The following SLC25A18 variants were observed in gnomAD, a reference collection of about 807,000 sequenced individuals.
The protein encoded by SLC25A18 is mitochondrial glutamate carrier 2.
SLC25A18 carries 24 observed loss-of-function variants against 31.1 expected under a neutral mutation model. The ratio of observed to expected loss-of-function variants is 0.77; its 90% CI spans 0.56 to 1.08. The LOEUF (loss-of-function observed/expected upper bound fraction) is 1.08. Ranked by LOEUF, SLC25A18 falls within the 50% of genes least tolerant of loss-of-function variation. The pLI is 0.00. For missense variants in SLC25A18, 371 were observed against 418.5 expected (o/e 0.89, Z 0.99); for synonymous variants, 173 against 161.9 (o/e 1.07, Z -0.52).
intron 2 of SLC25A18, among the ~76,000 whole-genome samples, chr22:17,575,882 T>C (rs374612826): frequency 1.3e-5 from 2 of 152,238 alleles, no homozygotes; most frequent in African/African-American, 4.8e-5. Flanking sequence ...CATGGCCAGA[T>C]GCTGCATCCC....
chr22:17,570,008 A>C, intron 2 of SLC25A18, 22 bp downstream of exon 2: 2 of 985,360 alleles, frequency 2.0e-6, no homozygotes, highest in Non-Finnish European at 1.2e-6. Context: ...GTCTGTCTGC[A>C]TCAAGCTCAG....
At chr22:17,573,253 G>C (rs987512619) in intron 2 of SLC25A18, among the ~76,000 whole-genome samples, 4 of 152,070 alleles carry the variant, frequency 2.6e-5, no homozygotes, top group Non-Finnish European at 5.9e-5. Flanking sequence ...AGACAGGGTG[G>C]GCCACAGGTT....
chr22:17,566,434 T>G (rs1211590753), intron 1 of SLC25A18, among the ~76,000 whole-genome samples: 1 of 151,532 alleles, frequency 6.6e-6, no homozygotes, highest in Admixed American at 6.6e-5. Flanking sequence ...TTTTTCCAAC[T>G]GGAGCCTCGC....
chr22:17,571,843 A>G (rs888147295), intron 2 of SLC25A18, among the ~76,000 whole-genome samples: 1 of 151,374 alleles, frequency 6.6e-6, no homozygotes, highest in African/African-American at 2.4e-5. Flanking sequence ...ACATGGTGAA[A>G]CCCCGTATTT....
intron 3 of SLC25A18, chr22:17,580,292 A>G: frequency 3.6e-6 from 1 of 276,034 alleles, no homozygotes; most frequent in Non-Finnish European, 6.6e-6. Context: ...CTTCCAGGTA[A>G]ATCCATCTCC....
intron 2 of SLC25A18, among the ~76,000 whole-genome samples, chr22:17,570,876 T>G (rs2057069631): frequency 6.6e-6 from 1 of 152,168 alleles, no homozygotes; most frequent in African/African-American, 2.4e-5. Context: ...CAACTGAATA[T>G]TCAATGGGTT....
intron 2 of SLC25A18, among the ~76,000 whole-genome samples, chr22:17,577,228 T>C (rs1372282146): frequency 1.3e-5 from 2 of 151,988 alleles, no homozygotes; most frequent in Non-Finnish European, 2.9e-5. Flanking sequence ...TTCACCATGT[T>C]AGCCAGGATG....
chr22:17,577,412 C>T (rs1346167185), intron 2 of SLC25A18, among the ~76,000 whole-genome samples: 1 of 151,854 alleles, frequency 6.6e-6, no homozygotes, highest in Non-Finnish European at 1.5e-5. Context: ...CCCGCCTCAG[C>T]CTCCCAAAGT....
chr22:17,577,096 C>T (rs1010315916), intron 2 of SLC25A18, among the ~76,000 whole-genome samples: 2 of 152,160 alleles, frequency 1.3e-5, no homozygotes, highest in Non-Finnish European at 2.9e-5. Flanking sequence ...CATCTCGGCT[C>T]ACTGCAAGCT....
chr22:17,583,413 T>C lies in SLC25A18; in HGVS notation c.291-3T>C, dbSNP rs374299616. Reference sequence around the variant, plus strand: ...TGAAGGAGCCTGACGCCTGTTCCCATAGGATGCAGCGGAACCTGAAGATGG... The same window carrying C: ...TGAAGGAGCCTGACGCCTGTTCCCACAGGATGCAGCGGAACCTGAAGATGG... On this transcript the variant is annotated splice_region_variant and splice_polypyrimidine_tract_variant and intron_variant, in intron 6 of 10. Coordinates refer to ENST00000327451, the MANE Select transcript of SLC25A18 (RefSeq NM_031481.3). 5.0e-6 allele frequency: 8 copies of C among 1,613,790 alleles called. No homozygotes were observed. The highest frequency in any genetic ancestry group is 6.8e-6 in the Non-Finnish European group (8 of 1,179,902).
Position 17,589,666 on chromosome 22 carries a change from G to T in SLC25A18, c.806+1G>T, listed in dbSNP as rs764506667. 2.0e-5 allele frequency: 32 copies of T among 1,614,048 alleles called. No homozygotes were observed. The South Asian group carries it at 3.3e-4, about 17-fold the overall frequency. On this transcript the variant is annotated splice_donor_variant, in intron 10 of 10. Transcript: ENST00000327451. LOFTEE classifies it high-confidence loss of function. The stretch of plus-strand genomic sequence containing the variant: ...ACAGTGGGATCACCGACTGTGCCAG[G>T]TGAGAGCCAGTGTCCCCTCAAATGG...
intron 2 of SLC25A18, among the ~76,000 whole-genome samples, chr22:17,575,998 C>T (rs1182760884): frequency 6.6e-6 from 1 of 152,086 alleles, no homozygotes; most frequent in African/African-American, 2.4e-5. Flanking sequence ...TTCTGCATCC[C>T]AGCACTTAGA....
intron 1 of SLC25A18, among the ~76,000 whole-genome samples, chr22:17,564,560 T>G (rs1489146247): frequency 6.6e-6 from 1 of 151,952 alleles, no homozygotes; most frequent in Non-Finnish European, 1.5e-5. Flanking sequence ...AAAAAAAATT[T>G]TTAGAAAGGA....
Position 17,563,621 on chromosome 22 carries a change from C to A in SLC25A18, c.-356C>A. The A allele has an allele frequency of 1.0e-6, 1 of 972,062 alleles. No individual in the cohort carries two copies. The highest frequency in any genetic ancestry group is 4.8e-5 in the South Asian group (1 of 21,018). The allele number at this position is 972,062 out of a possible 1,614,324, so 60.2% of individuals were successfully genotyped here. On this transcript the variant is annotated 5_prime_UTR_variant, in exon 1 of 11. The change creates a new upstream start codon in the 5' untranslated region. Coordinates refer to ENST00000327451, the MANE Select transcript of SLC25A18 (RefSeq NM_031481.3). ...CCACGGGCTTTGCTTTGAGAAGGAA[C>A]TGAGTAGGCAGTGAGAAGAGTCGAG...
intron 2 of SLC25A18, among the ~76,000 whole-genome samples, chr22:17,573,163 CT>C (rs1348866222): frequency 6.6e-6 from 1 of 152,114 alleles, no homozygotes; most frequent in African/African-American, 2.4e-5. Flanking sequence ...ACTTTAAGCA[CT>C]TTAAGAAAGG....
At chr22:17,579,250 C>G (rs925214159) in intron 2 of SLC25A18, among the ~76,000 whole-genome samples, 1 of 152,004 alleles carries the variant, frequency 6.6e-6, no homozygotes, top group African/African-American at 2.4e-5. Flanking sequence ...CCACACCCAG[C>G]TAATTTTTGC....
At chr22:17,568,188 C>A (rs908741849) in intron 1 of SLC25A18, among the ~76,000 whole-genome samples, 5 of 151,856 alleles carry the variant, frequency 3.3e-5, no homozygotes, top group African/African-American at 1.2e-4. Flanking sequence ...CATGGTGAAA[C>A]CCCGTCTCTA....
chr22:17,589,508 G>A (rs1280192433), intron 9 of SLC25A18, 82 bp from the exon 10 acceptor site: 1 of 1,292,510 alleles, frequency 7.7e-7, no homozygotes, highest in African/African-American at 1.5e-5. Context: ...TGGCTCTACA[G>A]GAGGGCCCAG....
chr22:17,565,303 G>A lies in SLC25A18; in HGVS notation c.-264+1590G>A, dbSNP rs942721852. On this transcript the variant is annotated intron_variant, in intron 1 of 10. Coordinates refer to ENST00000327451, the MANE Select transcript of SLC25A18 (RefSeq NM_031481.3). ...TTGCCATGTTGGCCAGGATGGTCTC[G>A]ATCTCCTGACCTCGTGATCCACCCA... Among the ~76,000 whole-genome samples, 19 of 152,038 alleles carry A rather than the reference G, an allele frequency of 1.2e-4. No individual in the cohort carries two copies. In the South Asian group the frequency reaches 2.3e-3, roughly 18 times the overall value.
Sources: allele counts gnomAD v4.1 joint callset (sites outside exome capture counted in the v4.1 genomes callset), GRCh38; gene constraint gnomAD v4.1.1; transcripts MANE v1.5; gene names NCBI Gene and HGNC (gene_info 2026-07-23, HGNC 2026-07-21).